Variants in DNMT1 observed in about 807,000 individuals in gnomAD.
DNMT1 encodes DNA methyltransferase 1.
A neutral mutation model predicts 205.3 loss-of-function variants in DNMT1; 24 were observed. The observed-to-expected ratio is 0.12, with a 90% confidence interval of 0.08 to 0.16. DNMT1 has a LOEUF of 0.16. DNMT1 is among the 10% of genes least tolerant of loss of function. The pLI is 1.00. For missense variants in DNMT1, 1,293 were observed against 2,177.7 expected, an observed-to-expected ratio of 0.59 and a Z score of 8.09; for synonymous variants, 817 against 839.8, an observed-to-expected ratio of 0.97 and a Z score of 0.47.
chr19:10,158,916 T>C (rs759871852), intron 17 of DNMT1, among the ~76,000 whole-genome samples: 2 of 152,156 alleles, frequency 1.3e-5, no homozygotes, highest in African/African-American at 2.4e-5. Flanking sequence ...CTGAAAATCA[T>C]TACCTCTCCC....
At position 10,137,570 on chromosome 19, in the gene DNMT1, C is replaced by G. The variant is rs747711994; in HGVS notation, c.4293+262G>C. The G allele has an allele frequency of 1.6e-6, 1 of 642,178 alleles. No individual in the cohort carries two copies. Among genetic ancestry groups the G allele is most frequent in the African/African-American group, 1.8e-5 (1 of 54,768 alleles). The allele number at this position is 642,178 out of a possible 1,614,324, so 39.8% of individuals were successfully genotyped here. A position where few individuals can be genotyped will look rare whatever the true frequency, so the allele number is the denominator to read the frequency against. ...GGTCTTGGCATCCTGGGAAAACATG[C>G]GGGGAGAGGCAGCAAGGGGGAAGGC... On this transcript the variant is annotated intron_variant, in intron 36 of 40. Coordinates refer to ENST00000359526, the MANE Select transcript of DNMT1 (RefSeq NM_001130823.3). This position sits in a 1 kb window ranked among gnomAD's most constrained non-coding sequence, Gnocchi z 6.4.
At chr19:10,141,992 C>G (rs749798763) in intron 30 of DNMT1, 36 bp downstream of exon 30, 1 of 1,609,156 alleles carries the variant, frequency 6.2e-7, no homozygotes, top group Non-Finnish European at 8.5e-7. Context: ...CCAACTTTGA[C>G]CCCGAAGCCT....
At position 10,136,396 on chromosome 19, in the gene DNMT1, C is replaced by T. The variant is rs1035648602; in HGVS notation, c.4490-109G>A. The stretch of plus-strand genomic sequence containing the variant: ...GAGATGGCACCTCCTGTGCAAGGGG[C>T]CCCCTGGGGTGGAGCAGCCAACAAT... On this transcript the variant is annotated intron_variant, in intron 37 of 40. Transcript: ENST00000359526. 4.8e-5 allele frequency: 69 copies of T among 1,447,838 alleles called. No homozygotes were observed. In the Admixed American group the frequency reaches 5.6e-4, roughly 12 times the overall value. The allele number at this position is 1,447,838 out of a possible 1,614,324, so 89.7% of individuals were successfully genotyped here. A position where few individuals can be genotyped will look rare whatever the true frequency, so the allele number is the denominator to read the frequency against.
rs1212490407 is a variant in DNMT1, at chr19:10,159,954, C to CA, written c.1090-33dup. On this transcript the variant is annotated intron_variant, in intron 15 of 40. Coordinates refer to ENST00000359526, the MANE Select transcript of DNMT1 (RefSeq NM_001130823.3). This position sits in a 1 kb window ranked among gnomAD's most constrained non-coding sequence, Gnocchi z 5.0. ...GAGCAGGAACACAGATGATGGCACT[C>CA]AGAGAGCAGCTCCCAGCCGCCTCGT... The CA allele has an allele frequency of 3.1e-6, 5 of 1,614,100 alleles. No homozygotes were observed. Among genetic ancestry groups the CA allele is most frequent in the Non-Finnish European group, 4.2e-6 (5 of 1,180,052 alleles).
chr19:10,180,880 A>C lies in DNMT1; in HGVS notation c.123T>G (p.Cys41Trp), dbSNP rs779730617. ...LERDSLTEKECVKEKLNLLHE... is the reference protein window; with the variant it reads ...LERDSLTEKEWVKEKLNLLHE... Reference sequence around the variant, plus strand: ...GCAAGAGATTCAATTTCTCCTTCACACATTCCTAAGGGAAGGATATAGGTT... The same window carrying C: ...GCAAGAGATTCAATTTCTCCTTCACCCATTCCTAAGGGAAGGATATAGGTT... Residue 41 changes from cysteine (C) to tryptophan (W), a missense_variant, in exon 3 of 41, where the codon TGT becomes TGG. Around this residue, in one of 13 missense-constraint regions of DNMT1, gnomAD observed 394 missense variants for 451.6 expected, o/e 0.87. Coordinates refer to ENST00000359526, the MANE Select transcript of DNMT1 (RefSeq NM_001130823.3). 6.2e-7 allele frequency: 1 copy of C among 1,613,784 alleles called. No homozygotes were observed. Among genetic ancestry groups the C allele is most frequent in the South Asian group, 1.1e-5 (1 of 91,068 alleles).
intron 1 of DNMT1, among the ~76,000 whole-genome samples, chr19:10,183,688 C>G (rs1230198790): frequency 6.6e-6 from 1 of 151,906 alleles, no homozygotes; most frequent in African/African-American, 2.4e-5. Context: ...ACCAGCCTGG[C>G]CAACATGGCG....
intron 7 of DNMT1, 119 bp downstream of exon 7, chr19:10,175,421 G>T: frequency 9.0e-7 from 1 of 1,109,774 alleles, no homozygotes; most frequent in Non-Finnish European, 1.4e-6. Flanking sequence ...TCTCTCTGGA[G>T]AGCCCTAAAT....
At chr19:10,193,742 G>A (rs960872355) in intron 1 of DNMT1, among the ~76,000 whole-genome samples, 6 of 151,374 alleles carry the variant, frequency 4.0e-5, no homozygotes, top group African/African-American at 1.5e-4. Context: ...ACCCAAATCA[G>A]AACCGGACTG....
chr19:10,193,387 TCTCA>T (rs529763314), intron 1 of DNMT1, among the ~76,000 whole-genome samples: 168 of 151,894 alleles, frequency 1.1e-3, no homozygotes, highest in African/African-American at 3.8e-3. Context: ...TGAGACAGGG[TCTCA>T]CTCTGTCACC....
intron 30 of DNMT1, 69 bp from the exon 31 acceptor site, chr19:10,141,258 A>G (rs2089595390): frequency 9.2e-6 from 14 of 1,517,480 alleles, no homozygotes; most frequent in Non-Finnish European, 1.3e-5. Context: ...CAGACTAGTA[A>G]GAAGGCAATT....
chr19:10,141,590 C>A (rs773193658), intron 30 of DNMT1: 1 of 344,782 alleles, frequency 2.9e-6, no homozygotes. Flanking sequence ...GACTCGTGGG[C>A]CCTCTCCATA....
At chr19:10,144,012 TC>T in intron 28 of DNMT1, 25 bp from the exon 29 acceptor site, 1 of 1,611,304 alleles carries the variant, frequency 6.2e-7, no homozygotes, top group South Asian at 1.1e-5. Context: ...CCACTTGACA[TC>T]AATGAACCTT....
chr19:10,149,830 C>G, intron 25 of DNMT1, 23 bp downstream of exon 25: 1 of 1,613,426 alleles, frequency 6.2e-7, no homozygotes, highest in Non-Finnish European at 8.5e-7. Flanking sequence ...ATGCAGAAGT[C>G]AAGCAAAAAG....
chr19:10,158,583 C>G (rs541448255), intron 17 of DNMT1, among the ~76,000 whole-genome samples: 2 of 152,184 alleles, frequency 1.3e-5, no homozygotes, highest in African/African-American at 2.4e-5. Flanking sequence ...TAACTGCACC[C>G]GCAGGGAGAG....
At chr19:10,149,343 A>AC in intron 26 of DNMT1, 110 bp downstream of exon 26, 7 of 1,257,764 alleles carry the variant, frequency 5.6e-6, no homozygotes, top group Non-Finnish European at 7.8e-6. Flanking sequence ...AAAAAAAAAC[A>AC]AAAAAAAAAC....
At chr19:10,179,998 AAAAAAAAAGAAAG>A (rs1415774482) in intron 5 of DNMT1, 176 bp downstream of exon 5, 2 of 239,428 alleles carry the variant, frequency 8.4e-6, no homozygotes, top group Non-Finnish European at 1.6e-5. Context: ...ATTAAAAAAA[AAAAAAAAAGAAAG>A]AAAGAAAGAG....
intron 13 of DNMT1, 40 bp downstream of exon 13, chr19:10,162,620 GAAAAAAA>G (rs573823039): frequency 1.9e-4 from 246 of 1,316,022 alleles, no homozygotes; most frequent in Middle Eastern, 4.2e-4. Context: ...CCGTCTTGGG[GAAAAAAA>G]AAAAAAAAAA....
At chr19:10,152,432 G>A (rs927372280) in intron 22 of DNMT1, among the ~76,000 whole-genome samples, 6 of 151,658 alleles carry the variant, frequency 4.0e-5, no homozygotes, top group African/African-American at 1.2e-4. Context: ...TTCAAGACCA[G>A]CCTGGGCAAC....
At chr19:10,180,678 GCAA>G in intron 3 of DNMT1, 97 bp downstream of exon 3, 1 of 1,438,912 alleles carries the variant, frequency 6.9e-7, no homozygotes, top group South Asian at 1.2e-5. Context: ...TCATCATCAG[GCAA>G]TGAGGACAGC....
Sources: allele counts gnomAD v4.1 joint callset (sites outside exome capture counted in the v4.1 genomes callset), GRCh38; gene constraint gnomAD v4.1.1; regional missense constraint gnomAD v4.1.1; non-coding constraint Gnocchi (gnomAD v3.1); transcripts MANE v1.5; gene names NCBI Gene and HGNC (gene_info 2026-07-23, HGNC 2026-07-21).